Variants in DEF8 observed in about 807,000 individuals in gnomAD.
The protein encoded by DEF8 is differentially expressed in FDCP 8 homolog, also known as DEF-8.
In DEF8, 38 loss-of-function variants were observed where a neutral mutation model predicts 59.1. That is an observed-to-expected ratio of 0.64 (90% CI 0.50 to 0.84). DEF8 has a LOEUF of 0.84. Ranked by LOEUF, DEF8 falls within the 40% of genes least tolerant of loss-of-function variation. The pLI is 0.00. For missense variants in DEF8, 557 were observed against 615.2 expected (o/e 0.91, Z 1.00); for synonymous variants, 265 against 250.1 (o/e 1.06, Z -0.56).
At chr16:89,955,090 G>A in intron 3 of DEF8, 79 bp from the exon 4 acceptor site, 1 of 1,143,712 alleles carries the variant, frequency 8.7e-7, no homozygotes, top group Non-Finnish European at 1.3e-6. Flanking sequence ...CCCACTCCTG[G>A]CTATCTCAGC....
At chr16:89,953,898 C>T (rs189354138) in intron 2 of DEF8, among the ~76,000 whole-genome samples, 24 of 152,280 alleles carry the variant, frequency 1.6e-4, no homozygotes, top group Non-Finnish European at 3.2e-4. Context: ...AGAGAGGATC[C>T]CATAGGTAGC....
At chr16:89,949,844 C>T (rs2031661892) in intron 2 of DEF8, among the ~76,000 whole-genome samples, 1 of 152,188 alleles carries the variant, frequency 6.6e-6, no homozygotes, top group Non-Finnish European at 1.5e-5. Context: ...AGGCCAAGTC[C>T]CACATCTGGG....
In DEF8 at chr16:89,962,009, C is replaced by T. The variant is rs2034090583; in HGVS notation, c.808-3C>T. 3 of 1,613,838 alleles carry T rather than the reference C, an allele frequency of 1.9e-6. No individual in the cohort carries two copies. The highest frequency in any genetic ancestry group is 2.2e-5 in the South Asian group (2 of 91,082). The stretch of plus-strand genomic sequence containing the variant: ...AGAGGTGTCACCCGGCCGTGCCTGG[C>T]AGGTTTCTCGCTGCAGCATGCGCTA... On this transcript the variant is annotated splice_polypyrimidine_tract_variant and splice_region_variant and intron_variant, in intron 8 of 12. Transcript: ENST00000563594.
intron 6 of DEF8, 87 bp downstream of exon 6, chr16:89,959,242 C>G (rs549233199): frequency 3.3e-5 from 52 of 1,586,888 alleles, no homozygotes; most frequent in Non-Finnish European, 4.5e-5. Context: ...GTGAGCTATC[C>G]AGTGTGGTGG....
chr16:89,949,711 C>T lies in DEF8; in HGVS notation c.-11+198C>T, dbSNP rs888499975. 3.5e-6 allele frequency: 5 copies of T among 1,414,132 alleles called. No individual in the cohort carries two copies. In the African/African-American group the frequency reaches 4.3e-5, roughly 12 times the overall value. 87.6% of individuals were successfully genotyped at this position (1,414,132 alleles called of 1,614,324 possible). A position where few individuals can be genotyped will look rare whatever the true frequency, so the allele number is the denominator to read the frequency against. ...GCCCCGGAACCCCGCCGGCTTTCTTCGGCTTCCTTTCATTGCTAAGTTGTG... is the reference window on the plus strand; with the variant it reads ...GCCCCGGAACCCCGCCGGCTTTCTTTGGCTTCCTTTCATTGCTAAGTTGTG... On this transcript the variant is annotated intron_variant, in intron 2 of 12. Coordinates refer to ENST00000563594, the MANE Select transcript of DEF8 (RefSeq NM_001242818.2).
At chr16:89,961,934 G>C (rs2034076357) in intron 8 of DEF8, 70 bp downstream of exon 8, 3 of 1,604,096 alleles carry the variant, frequency 1.9e-6, no homozygotes, top group Non-Finnish European at 2.6e-6. Context: ...TGTGGAGCCG[G>C]TGTACCCCTG....
chr16:89,951,073 T>C lies in DEF8; in HGVS notation c.-11+1560T>C, dbSNP rs13339534. On this transcript the variant is annotated intron_variant, in intron 2 of 12. Transcript: ENST00000563594. ...TCTCTGAACTTAGTATTAACTACTTTAATCTTGACAATAACCCTGTATGGT... is the reference window on the plus strand; with the variant it reads ...TCTCTGAACTTAGTATTAACTACTTCAATCTTGACAATAACCCTGTATGGT... Among the ~76,000 whole-genome samples the C allele has an allele frequency of 5.0e-3, 767 of 152,352 alleles. 8 individuals carry two copies. The highest frequency in any genetic ancestry group is 0.018 in the African/African-American group (732 of 41,582).
In DEF8 at chr16:89,955,517, T is replaced by C. The variant is rs140871529; in HGVS notation, c.222+251T>C. Among the ~76,000 whole-genome samples the C allele has an allele frequency of 3.7e-3, 570 of 152,254 alleles. 5 individuals carry two copies. The highest frequency in any genetic ancestry group is 0.013 in the African/African-American group (540 of 41,560). ...GAAGGCAGGTGGAGAGAGCCTGGGA[T>C]TGGGGTTCATGAACCTGGGGCTGCT... is the stretch of plus-strand genomic sequence containing the variant. On this transcript the variant is annotated intron_variant, in intron 4 of 12. Transcript: ENST00000563594.
At chr16:89,949,608 G>A (rs1161995269) in intron 2 of DEF8, 95 bp downstream of exon 2, 1 of 1,612,774 alleles carries the variant, frequency 6.2e-7, no homozygotes, top group Non-Finnish European at 8.5e-7. Context: ...CTTCCTGGTG[G>A]TCACGCCGCG....
At chr16:89,950,696 T>C (rs1373314625) in intron 2 of DEF8, among the ~76,000 whole-genome samples, 2 of 152,248 alleles carry the variant, frequency 1.3e-5, no homozygotes, top group African/African-American at 2.4e-5. Flanking sequence ...ATAACAGTAA[T>C]AGGCCAGGCA....
At position 89,967,895 on chromosome 16, in the gene DEF8, A is replaced by T. The variant is rs1238067441; in HGVS notation, c.*1932A>T. On this transcript the variant is annotated 3_prime_UTR_variant, in exon 13 of 13. Transcript: ENST00000563594. ...ACACAGCCGGTAAACGGAATCACGTATGGTTCTTTCTGTGGGTCTGTGGCA... is the reference window on the plus strand; with the variant it reads ...ACACAGCCGGTAAACGGAATCACGTTTGGTTCTTTCTGTGGGTCTGTGGCA... The T allele has an allele frequency of 6.5e-6, 1 of 154,262 alleles. No individual in the cohort carries two copies. Among genetic ancestry groups the T allele is most frequent in the Non-Finnish European group, 1.4e-5 (1 of 69,492 alleles). The allele number at this position is 154,262 out of a possible 1,614,324, so 9.6% of individuals were successfully genotyped here. A position where few individuals can be genotyped will look rare whatever the true frequency, so the allele number is the denominator to read the frequency against.
chr16:89,949,778 A>C, intron 2 of DEF8: 1 of 851,082 alleles, frequency 1.2e-6, no homozygotes, highest in South Asian at 1.8e-5. Flanking sequence ...GAGGAGGGGC[A>C]GGGGGTGGCC....
At chr16:89,956,324 G>A (rs562945197) in intron 4 of DEF8, among the ~76,000 whole-genome samples, 1 of 151,884 alleles carries the variant, frequency 6.6e-6, no homozygotes, top group South Asian at 2.1e-4. Context: ...GCCGGGCATA[G>A]TGGAGCGCCC....
chr16:89,966,080 TG>T lies in DEF8; in HGVS notation c.*118del. 1.3e-6 allele frequency: 1 copy of T among 743,018 alleles called. No homozygotes were observed. Among genetic ancestry groups the T allele is most frequent in the Non-Finnish European group, 2.2e-6 (1 of 457,448 alleles). The allele number at this position is 743,018 out of a possible 1,614,324, so 46.0% of individuals were successfully genotyped here. On this transcript the variant is annotated 3_prime_UTR_variant, in exon 13 of 13. Transcript: ENST00000563594. The stretch of plus-strand genomic sequence containing the variant: ...GTGCGGCCCTGGCCCCCTCCACCCC[TG>T]CTGGGCCAGAGCGGGTGGGCAGTGT...
rs1385331398 is a variant in DEF8 at position 89,964,185 on chromosome 16, C to T, written c.1018C>T (p.His340Tyr). ...GACTTGGCAGCTCCAGGATCGGCAG[C>T]ATTTTGTGGAGAACGACGAGATGTA... is the stretch of plus-strand genomic sequence containing the variant. ...RLLLQLQDRQ[H>Y]FVENDEMYSV... is the part of the protein sequence containing the mutation. The change falls in exon 11 of 13, where the codon CAT (histidine) becomes TAT (tyrosine). Residue 340 changes from histidine to tyrosine, a missense_variant. By Grantham distance (83) the His-to-Tyr change is moderately conservative (BLOSUM62 2). Transcript: ENST00000563594. 1 of 1,613,912 alleles carries T rather than the reference C, an allele frequency of 6.2e-7. No individual in the cohort carries two copies. The highest frequency in any genetic ancestry group is 8.5e-7 in the Non-Finnish European group (1 of 1,179,944).
At chr16:89,949,639 G>C (rs766797171) in intron 2 of DEF8, 126 bp downstream of exon 2, 1 of 1,609,594 alleles carries the variant, frequency 6.2e-7, no homozygotes, top group Non-Finnish European at 8.5e-7. Flanking sequence ...GGGAGGCCAG[G>C]TCCGTGCATC....
At chr16:89,964,601 C>G in intron 12 of DEF8, 26 bp downstream of exon 12, 1 of 1,525,784 alleles carries the variant, frequency 6.6e-7, no homozygotes, top group Non-Finnish European at 8.8e-7. Context: ...GCCCCGCACT[C>G]GGGGGCTGGG....
chr16:89,955,287 G>C, intron 4 of DEF8, 21 bp downstream of exon 4: 1 of 1,604,032 alleles, frequency 6.2e-7, no homozygotes, highest in Non-Finnish European at 8.5e-7. Flanking sequence ...AGATCTCGGA[G>C]GGGAGAGGGA....
In DEF8 at chr16:89,949,458, C is replaced by G. The variant is rs1335323198; in HGVS notation, c.-66C>G. ...GGCCAGGCTTCCGTGGCCAGCAGCC[C>G]TAGAGGAATGGCCATCCTGTCCCTG... On this transcript the variant is annotated 5_prime_UTR_variant, in exon 2 of 13. Coordinates refer to ENST00000563594, the MANE Select transcript of DEF8 (RefSeq NM_001242818.2). 1.2e-6 allele frequency: 2 copies of G among 1,611,566 alleles called. No individual in the cohort carries two copies. The highest frequency in any genetic ancestry group is 1.7e-6 in the Non-Finnish European group (2 of 1,179,798).
Sources: gnomAD v4.1 joint callset for allele counts (sites outside exome capture counted in the v4.1 genomes callset) on GRCh38, gnomAD v4.1.1 for gene constraint, MANE v1.5 for transcripts, NCBI Gene and HGNC (gene_info 2026-07-23, HGNC 2026-07-21) for gene names.